Variants in CAPN14 observed in about 807,000 individuals in gnomAD.
CAPN14 encodes the protein calpain-14.
CAPN14 carries 94 observed loss-of-function variants against 101.3 expected under a neutral mutation model. That is an observed-to-expected ratio of 0.93 (90% CI 0.79 to 1.10). CAPN14 has a LOEUF of 1.10. Ranked by LOEUF, CAPN14 falls within the 50% of genes least tolerant of loss-of-function variation. The probability of loss-of-function intolerance (pLI) is 0.00; values close to 1 mark genes in which losing one functional copy is unlikely to be tolerated. For missense variants in CAPN14, 837 were observed against 828.4 expected, an observed-to-expected ratio of 1.01 and a Z score of -0.13; for synonymous variants, 338 against 317.9, an observed-to-expected ratio of 1.06 and a Z score of -0.67.
At chr2:31,207,094 G>A (rs1310982978) in intron 1 of CAPN14, among the ~76,000 whole-genome samples, 2 of 152,106 alleles carry the variant, frequency 1.3e-5, no homozygotes, top group African/African-American at 2.4e-5. Context: ...ATTACACCCC[G>A]CACAGTGTTT....
At chr2:31,183,028 G>A (rs150286450) in intron 16 of CAPN14, among the ~76,000 whole-genome samples, 6,127 of 152,186 alleles carry the variant, frequency 0.04, 125 homozygotes, top group Middle Eastern at 0.065. Context: ...CAGAAATAAC[G>A]CCGCTTGTCT....
chr2:31,177,591 C>T (rs1345496299), intron 19 of CAPN14, among the ~76,000 whole-genome samples, 155 bp downstream of exon 19: 4 of 152,218 alleles, frequency 2.6e-5, no homozygotes, highest in East Asian at 3.8e-4. Flanking sequence ...CAGGGACAAT[C>T]ATAAAAAATG....
In CAPN14 at chr2:31,205,495, T is replaced by G; in HGVS notation, c.-48A>C. On this transcript the variant is annotated 5_prime_UTR_variant, in exon 2 of 22. Transcript: ENST00000403897. ...GTGAGTCTTCCTGAGGAGTCTCTGC[T>G]GCTCCTGAAATGGAGAGAGGACGGT... 4 of 1,439,264 alleles carry G rather than the reference T, an allele frequency of 2.8e-6. No homozygotes were observed. The highest frequency in any genetic ancestry group is 2.9e-6 in the Non-Finnish European group (3 of 1,045,316). 89.2% of individuals were successfully genotyped at this position (1,439,264 alleles called of 1,614,324 possible). A position where few individuals can be genotyped will look rare whatever the true frequency, so the allele number is the denominator to read the frequency against.
At position 31,190,137 on chromosome 2, in the gene CAPN14, T is replaced by TTCTCTCTCTCTCTCTCTCTC. The variant is rs3031867; in HGVS notation, c.1288-679_1288-660dup. ...GGGTATCTGCTTTATCTGATTCATATTCTCTCTCTCTCTCTCTCTCTCTCT... is the reference window on the plus strand; with the variant it reads ...GGGTATCTGCTTTATCTGATTCATATTCTCTCTCTCTCTCTCTCTCTCTCTCTCTCTCTCTCTCTCTCTCT... On this transcript the variant is annotated intron_variant, in intron 12 of 21. Transcript: ENST00000403897. Among the ~76,000 whole-genome samples, 42 of 142,764 alleles carry TTCTCTCTCTCTCTCTCTCTC rather than the reference T, an allele frequency of 2.9e-4. No individual in the cohort carries two copies. In the South Asian group the frequency reaches 3.0e-3, roughly 10 times the overall value. 93.7% of individuals were successfully genotyped at this position (142,764 alleles called of 152,430 possible). A position where few individuals can be genotyped will look rare whatever the true frequency, so the allele number is the denominator to read the frequency against.
chr2:31,229,299 A>T (rs1037291470), intron 1 of CAPN14, among the ~76,000 whole-genome samples: 3 of 152,234 alleles, frequency 2.0e-5, no homozygotes, highest in Non-Finnish European at 4.4e-5. Flanking sequence ...GGTCCATTAC[A>T]AAAACATGTG....
At chr2:31,208,951 G>C (rs972847588) in intron 1 of CAPN14, among the ~76,000 whole-genome samples, 2 of 152,064 alleles carry the variant, frequency 1.3e-5, no homozygotes, top group Non-Finnish European at 2.9e-5. Flanking sequence ...TTGTTCTGCA[G>C]TGTTTTGCAT....
intron 1 of CAPN14, among the ~76,000 whole-genome samples, chr2:31,207,393 C>T (rs72786906): frequency 0.067 from 10,170 of 152,180 alleles, 349 homozygotes; most frequent in South Asian, 0.079. Flanking sequence ...CTTTTATTTC[C>T]GATTTGTCAT....
At chr2:31,199,681 T>C (rs1160558365) in intron 6 of CAPN14, 149 bp from the exon 7 acceptor site, 2 of 632,926 alleles carry the variant, frequency 3.2e-6, no homozygotes, top group Non-Finnish European at 5.5e-6. Flanking sequence ...TTCAAAGCTC[T>C]TTGGTATCCA....
upstream of CAPN14, among the ~76,000 whole-genome samples, chr2:31,217,972 A>G (rs982969315): frequency 1.3e-5 from 2 of 152,162 alleles, no homozygotes; most frequent in Non-Finnish European, 2.9e-5. Context: ...TGGTTGTCAG[A>G]GTCTGAGGCA....
At chr2:31,180,873 C>CT in intron 17 of CAPN14, 63 bp downstream of exon 17, 1 of 1,382,566 alleles carries the variant, frequency 7.2e-7, no homozygotes, top group Non-Finnish European at 1.0e-6. Flanking sequence ...ATATACTCTG[C>CT]CTAGCTCCAG....
At chr2:31,189,751 T>C (rs780815790) in intron 12 of CAPN14, 8 of 536,584 alleles carry the variant, frequency 1.5e-5, no homozygotes, top group Non-Finnish European at 2.5e-5. Context: ...CTAAATGATG[T>C]GAGGAATGTC....
At chr2:31,205,625 C>A in intron 1 of CAPN14, 126 bp from the exon 2 acceptor site, 1 of 633,498 alleles carries the variant, frequency 1.6e-6, no homozygotes, top group Non-Finnish European at 2.8e-6. Flanking sequence ...GAGACAGAAG[C>A]AGGTGGTTCG....
In CAPN14 at chr2:31,177,026, C is replaced by A; in HGVS notation, c.1972G>T (p.Asp658Tyr). Reference sequence around the variant, plus strand: ...CCTCCCCAGCTTCCCGCCAGCTTACCCTCCATGTTCTCTACACGCAGCATC... The same window carrying A: ...CCTCCCCAGCTTCCCGCCAGCTTACACTCCATGTTCTCTACACGCAGCATC... The part of the protein sequence containing the change: ...HLMLRVENME[D>Y]VFQNLTQDGK... Residue 658 changes from aspartate (D) to tyrosine (Y), a missense_variant and splice_region_variant, in exon 20 of 22, where the codon GAT (aspartate) becomes TAT (tyrosine). Coordinates refer to ENST00000403897, the MANE Select transcript of CAPN14 (RefSeq NM_001145122.2). 6.5e-7 allele frequency: 1 copy of A among 1,549,236 alleles called. No homozygotes were observed. Among genetic ancestry groups the A allele is most frequent in the South Asian group, 1.2e-5 (1 of 83,838 alleles).
In CAPN14 at chr2:31,213,025, G is replaced by A. The variant is rs78436098; in HGVS notation, c.-53+4431C>T. On this transcript the variant is annotated intron_variant, in intron 1 of 21. Coordinates refer to ENST00000403897, the MANE Select transcript of CAPN14 (RefSeq NM_001145122.2). Reference sequence around the variant, plus strand: ...GAAAAATGATCAATTCCCTGCTCTCGACAGTCGGAACAAAAGAACAAGACT... The same window carrying A: ...GAAAAATGATCAATTCCCTGCTCTCAACAGTCGGAACAAAAGAACAAGACT... Among the ~76,000 whole-genome samples the A allele has an allele frequency of 1.5e-3, 232 of 152,314 alleles. 2 individuals are homozygous for A. Among genetic ancestry groups the A allele is most frequent in the African/African-American group, 5.2e-3 (216 of 41,568 alleles).
intron 16 of CAPN14, among the ~76,000 whole-genome samples, chr2:31,185,441 C>G (rs1680855380): frequency 6.6e-6 from 1 of 152,180 alleles, no homozygotes; most frequent in African/African-American, 2.4e-5. Context: ...ATCTAGAACC[C>G]TCTCATAGGA....
At position 31,200,441 on chromosome 2, in the gene CAPN14, C is replaced by T. The variant is rs962730109; in HGVS notation, c.726+10G>A. The T allele has an allele frequency of 5.8e-6, 9 of 1,545,928 alleles. No individual in the cohort carries two copies. In the African/African-American group the frequency reaches 1.1e-4, roughly 19 times the overall value. On this transcript the variant is annotated intron_variant, in intron 6 of 21. Transcript: ENST00000403897. ...AAGAGGACATTCTGCCAGTGGCAGCCCAGTCTCACCCCTGAGTGGGTCTGG... is the reference window on the plus strand; with the variant it reads ...AAGAGGACATTCTGCCAGTGGCAGCTCAGTCTCACCCCTGAGTGGGTCTGG...
At chr2:31,180,215 G>C (rs1232071162) in intron 17 of CAPN14, among the ~76,000 whole-genome samples, 4 of 152,124 alleles carry the variant, frequency 2.6e-5, no homozygotes, top group Non-Finnish European at 5.9e-5. Context: ...ATGAGCGCTT[G>C]GAGAGGGTCT....
In CAPN14 at chr2:31,233,709, C is replaced by G. The variant is rs150474354; in HGVS notation, c.-177+82G>C. 2.0e-5 allele frequency: 3 copies of G among 151,666 alleles called. No homozygotes were observed. The East Asian group carries it at 5.8e-4, about 29-fold the overall frequency. 9.4% of individuals were successfully genotyped at this position (151,666 alleles called of 1,614,324 possible). A position where few individuals can be genotyped will look rare whatever the true frequency, so the allele number is the denominator to read the frequency against. On this transcript the variant is annotated intron_variant and NMD_transcript_variant, in intron 1 of 21. Coordinates refer to the CAPN14 transcript ENST00000398824. ...GCCTAGCTAAAAGTTTGGGTAGTGA[C>G]AGTTTTGGTTATTTTGTGTAACCTG...
intron 1 of CAPN14, among the ~76,000 whole-genome samples, chr2:31,212,919 T>C (rs982211668): frequency 1.3e-5 from 2 of 152,228 alleles, no homozygotes; most frequent in Admixed American, 6.5e-5. Flanking sequence ...CACAACCCAC[T>C]AAGTTGTCTC....
Sources: gnomAD v4.1 joint callset for allele counts (sites outside exome capture counted in the v4.1 genomes callset) on GRCh38, gnomAD v4.1.1 for gene constraint, MANE v1.5 for transcripts, NCBI Gene and HGNC (gene_info 2026-07-23, HGNC 2026-07-21) for gene names.